Variants in GRM8 observed in about 807,000 individuals in gnomAD.
GRM8 encodes the protein metabotropic glutamate receptor 8.
In GRM8, 47 loss-of-function variants were observed where a neutral mutation model predicts 87.2. The observed-to-expected ratio is 0.54, with a 90% CI of 0.43 to 0.69. The LOEUF (loss-of-function observed/expected upper bound fraction) is 0.69, where lower values mean the gene tolerates loss of function less well. Among genes scored for constraint, GRM8 ranks in the 30% least tolerant of loss-of-function variants. The probability of loss-of-function intolerance (pLI) is 0.00; values close to 1 mark genes in which losing one functional copy is unlikely to be tolerated. For synonymous variants in GRM8, 396 were observed against 404.5 expected (o/e 0.98, Z 0.25); for missense variants, 1,019 against 1,139.2 (o/e 0.89, Z 1.52).
chr7:126,920,802 T>G lies in GRM8; in HGVS notation c.728-16119A>C, dbSNP rs1375111861. On this transcript the variant is annotated intron_variant, in intron 3 of 10. Transcript: ENST00000339582. ...CCCTCTCCCTGTTTAGCATCCAGACTGCAGTAGCCTAACTTATCTCCCCCC... is the reference window on the plus strand; with the variant it reads ...CCCTCTCCCTGTTTAGCATCCAGACGGCAGTAGCCTAACTTATCTCCCCCC... Among the ~76,000 whole-genome samples, 4 of 152,068 alleles carry G rather than the reference T, an allele frequency of 2.6e-5. No homozygotes were observed. In the South Asian group the frequency reaches 6.2e-4, roughly 24 times the overall value.
At chr7:127,204,437 C>T (rs1399169712) in intron 2 of GRM8, among the ~76,000 whole-genome samples, 1 of 152,204 alleles carries the variant, frequency 6.6e-6, no homozygotes, top group Non-Finnish European at 1.5e-5. Context: ...TTAGAAACTT[C>T]CTAACCCTCC....
At chr7:126,569,423 A>C (rs2299466) in intron 8 of GRM8, among the ~76,000 whole-genome samples, 46,994 of 152,126 alleles carry the variant, frequency 0.31, 8,142 homozygotes, top group East Asian at 0.44. Context: ...GAACTTCTTC[A>C]AAAAGAAACA....
At chr7:127,034,310 GATATGTTT>G (rs1817650983) in intron 3 of GRM8, among the ~76,000 whole-genome samples, 1 of 152,098 alleles carries the variant, frequency 6.6e-6, no homozygotes, top group Non-Finnish European at 1.5e-5. Context: ...GGCCTGTTAT[GATATGTTT>G]ATATAGCTTG....
At chr7:126,457,114 T>C (rs1563026308) in intron 9 of GRM8, among the ~76,000 whole-genome samples, 1 of 151,150 alleles carries the variant, frequency 6.6e-6, no homozygotes, top group Non-Finnish European at 1.5e-5. Flanking sequence ...ATTATAGGAG[T>C]GAAAAATATA....
Position 126,929,542 on chromosome 7 carries a change from T to C in GRM8, c.728-24859A>G, listed in dbSNP as rs576308889. Among the ~76,000 whole-genome samples the C allele has an allele frequency of 7.3e-3, 1,117 of 152,280 alleles. 8 individuals are homozygous for C. The highest frequency in any genetic ancestry group is 0.012 in the Non-Finnish European group (806 of 68,016). On this transcript the variant is annotated intron_variant, in intron 3 of 10. Transcript: ENST00000339582. Reference sequence around the variant, plus strand: ...TCCACCTCCCGGGGTCAAGCGATTCTCCTGCCTCAGCCTCCTGCATAGCTG... The same window carrying C: ...TCCACCTCCCGGGGTCAAGCGATTCCCCTGCCTCAGCCTCCTGCATAGCTG...
chr7:126,704,521 A>G (rs4728049), intron 7 of GRM8, among the ~76,000 whole-genome samples: 76,148 of 152,104 alleles, frequency 0.5, 21,727 homozygotes, highest in African/African-American at 0.79. Context: ...TCTGACCACC[A>G]GTGAGCCGGG....
intron 3 of GRM8, among the ~76,000 whole-genome samples, chr7:126,961,454 A>G (rs1586604021): frequency 6.6e-6 from 1 of 152,204 alleles, no homozygotes; most frequent in Admixed American, 6.5e-5. Context: ...TCATTTGTCT[A>G]GAATAAAGCT....
chr7:127,214,171 T>A (rs1321401660), intron 2 of GRM8, among the ~76,000 whole-genome samples: 1 of 152,192 alleles, frequency 6.6e-6, no homozygotes, highest in Non-Finnish European at 1.5e-5. Context: ...GATACTTGCA[T>A]AATAGTCACA....
intron 2 of GRM8, chr7:127,112,408 TAAC>T (rs906362054): frequency 6.6e-5 from 10 of 152,194 alleles, no homozygotes; most frequent in Non-Finnish European, 1.3e-4. Flanking sequence ...TTTCCCCTAC[TAAC>T]ATGTAGATTC....
At chr7:126,999,136 G>T (rs1813469523) in intron 3 of GRM8, among the ~76,000 whole-genome samples, 1 of 151,670 alleles carries the variant, frequency 6.6e-6, no homozygotes, top group South Asian at 2.1e-4. Context: ...AACATATATT[G>T]GAGAAAAATC....
intron 3 of GRM8, among the ~76,000 whole-genome samples, chr7:127,048,836 T>C (rs552421802): frequency 6.6e-6 from 1 of 152,364 alleles, no homozygotes; most frequent in East Asian, 1.9e-4. Flanking sequence ...TTATATTTTA[T>C]GAATTTTTAG....
At chr7:127,179,850 G>A (rs983982188) in intron 2 of GRM8, among the ~76,000 whole-genome samples, 2 of 151,878 alleles carry the variant, frequency 1.3e-5, no homozygotes, top group Admixed American at 6.6e-5. Context: ...AAGCAAAGGC[G>A]GTGCTAAGAG....
At chr7:127,076,023 T>A in intron 3 of GRM8, 1 of 381,412 alleles carries the variant, frequency 2.6e-6, no homozygotes, top group Admixed American at 3.2e-5. Flanking sequence ...GCTTTACAAT[T>A]GTTAAAAGAT....
At chr7:126,777,443 C>T (rs1319508539) in intron 6 of GRM8, among the ~76,000 whole-genome samples, 4 of 152,008 alleles carry the variant, frequency 2.6e-5, no homozygotes, top group Non-Finnish European at 5.9e-5. Context: ...CTGCCATTAC[C>T]GCTATTCCTT....
chr7:127,045,741 T>C (rs912020305), intron 3 of GRM8, among the ~76,000 whole-genome samples: 7 of 152,238 alleles, frequency 4.6e-5, no homozygotes, highest in Non-Finnish European at 1.0e-4. Flanking sequence ...CTGTTCTCTC[T>C]ATTTGTCTAT....
In GRM8 at chr7:126,721,453, C is replaced by T. The variant is rs142780483; in HGVS notation, c.1357+48412G>A. 1.5e-4 allele frequency among the ~76,000 whole-genome samples: 23 copies of T among 152,138 alleles called. No homozygotes were observed. The East Asian group carries it at 4.4e-3, about 29-fold the overall frequency. ...CTAAAGAAATGCATGCTTCCATGAC[C>T]TTTCAGAAGATTAAACTCTTTCTTG... On this transcript the variant is annotated intron_variant, in intron 7 of 10. Transcript: ENST00000339582.
intron 3 of GRM8, among the ~76,000 whole-genome samples, chr7:127,100,084 C>G (rs1402433147): frequency 6.6e-6 from 1 of 152,102 alleles, no homozygotes. Flanking sequence ...AGGAGGGATT[C>G]TCTCCTACAA....
intron 7 of GRM8, among the ~76,000 whole-genome samples, chr7:126,709,148 A>T (rs1810846621): frequency 6.6e-6 from 1 of 152,206 alleles, no homozygotes; most frequent in Admixed American, 6.5e-5. Flanking sequence ...TTCCAAAGAA[A>T]ATAGACAAAT....
At chr7:126,440,029 A>G (rs1355142040) in intron 10 of GRM8, among the ~76,000 whole-genome samples, 1 of 152,100 alleles carries the variant, frequency 6.6e-6, no homozygotes, top group Non-Finnish European at 1.5e-5. Context: ...AAAAGTTCAT[A>G]AAGTAAAATT....
Sources: gnomAD v4.1 joint callset for allele counts (sites outside exome capture counted in the v4.1 genomes callset) on GRCh38, gnomAD v4.1.1 for gene constraint, MANE v1.5 for transcripts, NCBI Gene and HGNC (gene_info 2026-07-23, HGNC 2026-07-21) for gene names.